Variants in IGSF21 observed in about 807,000 individuals in gnomAD.
IGSF21 encodes immunoglobulin superfamily member 21.
IGSF21 carries 28 observed loss-of-function variants against 46.8 expected under a neutral mutation model. The observed-to-expected ratio is 0.60, with a 90% CI of 0.44 to 0.82. The LOEUF (loss-of-function observed/expected upper bound fraction) is 0.82, where lower values mean the gene tolerates loss of function less well. Among genes scored for constraint, IGSF21 ranks in the 40% least tolerant of loss-of-function variants. The probability of loss-of-function intolerance (pLI) is 0.00; values close to 1 mark genes in which losing one functional copy is unlikely to be tolerated. For missense variants in IGSF21, 624 were observed against 665.5 expected (o/e 0.94, Z 0.69); for synonymous variants, 284 against 273.6 (o/e 1.04, Z -0.38).
intron 1 of IGSF21, among the ~76,000 whole-genome samples, chr1:18,141,166 T>C (rs1041251325): frequency 1.3e-5 from 2 of 152,246 alleles, no homozygotes; most frequent in African/African-American, 4.8e-5. Context: ...TGATGGGAAT[T>C]GGCTTTGAGA....
At chr1:18,276,294 G>A (rs2085102325) in intron 2 of IGSF21, among the ~76,000 whole-genome samples, 2 of 152,162 alleles carry the variant, frequency 1.3e-5, no homozygotes, top group African/African-American at 4.8e-5. Context: ...GTCTGCAGGG[G>A]TCAAGGCAGC....
At chr1:18,116,599 C>T (rs1002142655) in intron 1 of IGSF21, among the ~76,000 whole-genome samples, 4 of 152,148 alleles carry the variant, frequency 2.6e-5, no homozygotes, top group African/African-American at 4.8e-5. Context: ...CTGCTTTGGG[C>T]GAGAAGTCCA....
At chr1:18,250,567 C>A (rs547266103) in intron 2 of IGSF21, among the ~76,000 whole-genome samples, 1 of 152,198 alleles carries the variant, frequency 6.6e-6, no homozygotes, top group African/African-American at 2.4e-5. Context: ...AATTAAACTA[C>A]CTTCAAACAT....
intron 2 of IGSF21, among the ~76,000 whole-genome samples, chr1:18,246,719 G>A (rs2084787641): frequency 6.6e-6 from 1 of 152,116 alleles, no homozygotes; most frequent in Non-Finnish European, 1.5e-5. Context: ...CCTGTCTAGC[G>A]CACCCTGGCG....
At chr1:18,362,279 T>G in intron 5 of IGSF21, 49 bp downstream of exon 5, 1 of 1,352,784 alleles carries the variant, frequency 7.4e-7, no homozygotes, top group Non-Finnish European at 1.0e-6. Context: ...CGGACCACCC[T>G]GCTTCGGGGC....
intron 5 of IGSF21, among the ~76,000 whole-genome samples, chr1:18,363,671 G>T (rs548431264): frequency 6.6e-6 from 1 of 151,854 alleles, no homozygotes; most frequent in South Asian, 2.1e-4. Context: ...ATGGGCAGGG[G>T]CACAGAAGCA....
intron 4 of IGSF21, among the ~76,000 whole-genome samples, chr1:18,357,152 A>G (rs1421047585): frequency 1.5e-5 from 2 of 133,652 alleles, no homozygotes; most frequent in African/African-American, 5.6e-5. Context: ...GGAGATTGAG[A>G]TGGGGATGGG....
chr1:18,374,264 T>A (rs2086257316), intron 6 of IGSF21, among the ~76,000 whole-genome samples: 1 of 152,222 alleles, frequency 6.6e-6, no homozygotes, highest in Non-Finnish European at 1.5e-5. Context: ...AGCCTTCATT[T>A]CCTTATGGCG....
At chr1:18,248,644 A>G (rs1426877089) in intron 2 of IGSF21, among the ~76,000 whole-genome samples, 1 of 152,210 alleles carries the variant, frequency 6.6e-6, no homozygotes, top group African/African-American at 2.4e-5. Flanking sequence ...ACAAGTCCAC[A>G]TGGCGAGTTC....
intron 1 of IGSF21, among the ~76,000 whole-genome samples, chr1:18,128,193 T>G (rs956578406): frequency 6.6e-6 from 1 of 152,154 alleles, no homozygotes; most frequent in African/African-American, 2.4e-5. Context: ...TGGGCTGACA[T>G]TCTGGTGGAT....
At position 18,291,918 on chromosome 1, in the gene IGSF21, T is replaced by G; in HGVS notation, c.236T>G (p.Phe79Cys). 6.2e-7 allele frequency: 1 copy of G among 1,614,020 alleles called. No individual in the cohort carries two copies. The highest frequency in any genetic ancestry group is 8.5e-7 in the Non-Finnish European group (1 of 1,180,006). The change falls in exon 3 of 10, where the codon TTC (phenylalanine) becomes TGC (cysteine). Residue 79 changes from phenylalanine to cysteine, a missense_variant. By Grantham distance (205) the Phe-to-Cys change is radical. Transcript: ENST00000251296. The stretch of plus-strand genomic sequence containing the variant: ...AAGATCTTCACCTTCGACGCCATGT[T>G]CTCCACCAACTACTCACACATGGAG... ...KQKIFTFDAM[F>C]STNYSHMENY...
chr1:18,156,585 C>T (rs2086571502), intron 1 of IGSF21, among the ~76,000 whole-genome samples: 2 of 152,192 alleles, frequency 1.3e-5, no homozygotes, highest in Non-Finnish European at 2.9e-5. Flanking sequence ...TCCCATTGAT[C>T]CCCTGTACTG....
chr1:18,206,511 T>A (rs1466837662), intron 1 of IGSF21, among the ~76,000 whole-genome samples: 2 of 149,252 alleles, frequency 1.3e-5, no homozygotes, highest in Non-Finnish European at 3.0e-5. Context: ...ATCGCACCAC[T>A]GCATTCTGGC....
chr1:18,374,792 G>A (rs1464451951), intron 6 of IGSF21, among the ~76,000 whole-genome samples: 2 of 152,146 alleles, frequency 1.3e-5, no homozygotes, highest in East Asian at 1.9e-4. Flanking sequence ...AGAGGTCCGG[G>A]GACCAGCAAG....
chr1:18,236,748 T>C (rs1434487641), intron 2 of IGSF21, among the ~76,000 whole-genome samples: 1 of 151,988 alleles, frequency 6.6e-6, no homozygotes, highest in Non-Finnish European at 1.5e-5. Context: ...GTGTCCTGGA[T>C]TCCAAGAAAA....
intron 3 of IGSF21, among the ~76,000 whole-genome samples, chr1:18,326,803 C>T (rs758979683): frequency 6.6e-6 from 1 of 152,104 alleles, no homozygotes; most frequent in Non-Finnish European, 1.5e-5. Flanking sequence ...GGCTTGCTCC[C>T]GTAGTCGATG....
At chr1:18,208,385 ATATATATATATT>A (rs1281979070) in intron 1 of IGSF21, among the ~76,000 whole-genome samples, 2 of 108,262 alleles carry the variant, frequency 1.8e-5, no homozygotes, top group Non-Finnish European at 4.2e-5. Context: ...TAATATATAT[ATATATATATATT>A]TTTTGAGACG....
At chr1:18,306,830 C>A (rs2085430930) in intron 3 of IGSF21, among the ~76,000 whole-genome samples, 1 of 152,212 alleles carries the variant, frequency 6.6e-6, no homozygotes, top group Non-Finnish European at 1.5e-5. Flanking sequence ...ATGGGAAGCC[C>A]CCTCAGCTTC....
intron 3 of IGSF21, among the ~76,000 whole-genome samples, chr1:18,296,135 G>A (rs2085310193): frequency 6.6e-6 from 1 of 152,182 alleles, no homozygotes; most frequent in South Asian, 2.1e-4. Flanking sequence ...TGACCCCCCA[G>A]AATAACCTTG....
Sources: gnomAD v4.1 joint callset for allele counts (sites outside exome capture counted in the v4.1 genomes callset) on GRCh38, gnomAD v4.1.1 for gene constraint, MANE v1.5 for transcripts, NCBI Gene and HGNC (gene_info 2026-07-23, HGNC 2026-07-21) for gene names.